The following PLCG2 variants were observed in gnomAD, a reference collection of about 807,000 sequenced individuals.
PLCG2 encodes the protein 1-phosphatidylinositol 4,5-bisphosphate phosphodiesterase gamma-2.
Under a neutral mutation model 175.6 loss-of-function variants are expected in PLCG2, and 69 were observed. The ratio of observed to expected loss-of-function variants is 0.39; its 90% CI spans 0.32 to 0.48. The LOEUF is 0.48. Among genes scored for constraint, PLCG2 ranks in the 20% least tolerant of loss-of-function variants. The pLI, the probability that PLCG2 is intolerant of heterozygous loss-of-function variation, is 0.91. For missense variants in PLCG2, 1,798 were observed against 1,650.9 expected, an observed-to-expected ratio of 1.09 and a Z score of -1.54; for synonymous variants, 827 against 624.0, an observed-to-expected ratio of 1.33 and a Z score of -4.85.
intron 2 of PLCG2, among the ~76,000 whole-genome samples, chr16:81,812,276 C>G (rs536896616): frequency 2.0e-5 from 3 of 151,976 alleles, no homozygotes; most frequent in African/African-American, 7.3e-5. Flanking sequence ...GTCTTGATCT[C>G]CTGACCTCGT....
Position 81,961,452 on chromosome 16 carries a change from C to T in PLCG2, c.*3454C>T, listed in dbSNP as rs1469816826. 2 of 225,394 alleles carry T rather than the reference C, an allele frequency of 8.9e-6. No individual in the cohort carries two copies. Among genetic ancestry groups the T allele is most frequent in the Non-Finnish European group, 8.8e-6 (1 of 113,388 alleles). The allele number at this position is 225,394 out of a possible 1,614,324, so 14.0% of individuals were successfully genotyped here. On this transcript the variant is annotated 3_prime_UTR_variant, in exon 33 of 33. Transcript: ENST00000564138. ...TATGTGTTTATTGATTCAGCTCAATCCAGAGGAAAATTTTAAAGGCTTACA... is the reference window on the plus strand; with the variant it reads ...TATGTGTTTATTGATTCAGCTCAATTCAGAGGAAAATTTTAAAGGCTTACA...
At chr16:81,937,722 G>C (rs775496720) in intron 27 of PLCG2, 36 bp from the exon 28 acceptor site, 6 of 1,604,642 alleles carry the variant, frequency 3.7e-6, no homozygotes, top group Non-Finnish European at 5.1e-6. Context: ...GCGTGCTCAT[G>C]CCTGACTTAC....
At chr16:81,822,473 G>A (rs562892829) in intron 2 of PLCG2, among the ~76,000 whole-genome samples, 2 of 152,130 alleles carry the variant, frequency 1.3e-5, no homozygotes, top group Non-Finnish European at 2.9e-5. Context: ...AGAAAAAGGC[G>A]GGGCTGGGGG....
intron 2 of PLCG2, among the ~76,000 whole-genome samples, chr16:81,769,661 C>A (rs1177373622): frequency 3.3e-5 from 5 of 149,934 alleles, no homozygotes; most frequent in Middle Eastern, 3.5e-3. Context: ...ACTAAAAATA[C>A]AAAAAAAAAT....
At chr16:81,753,550 C>G (rs1909858040) in intron 1 of PLCG2, among the ~76,000 whole-genome samples, 1 of 151,900 alleles carries the variant, frequency 6.6e-6, no homozygotes, top group Non-Finnish European at 1.5e-5. Context: ...TCATTAGTAG[C>G]TGGGATTATA....
intron 12 of PLCG2, among the ~76,000 whole-genome samples, chr16:81,894,998 T>C (rs1567520751): frequency 6.6e-6 from 1 of 152,234 alleles, no homozygotes; most frequent in African/African-American, 2.4e-5. Context: ...CTATAGACTT[T>C]CTTCCCGTTT....
intron 23 of PLCG2, among the ~76,000 whole-genome samples, chr16:81,927,936 T>C (rs1910343398): frequency 6.6e-6 from 1 of 152,168 alleles, no homozygotes; most frequent in Non-Finnish European, 1.5e-5. Flanking sequence ...TCCTCTGTAC[T>C]GAGTTGCCCT....
chr16:81,900,157 A>G (rs11863080), intron 13 of PLCG2, among the ~76,000 whole-genome samples: 1,916 of 152,322 alleles, frequency 0.013, 35 homozygotes, highest in African/African-American at 0.044. Context: ...ATATAAAACC[A>G]ATATACTTTA....
rs140532919 is a variant in PLCG2, at chr16:81,839,890, A to C, written c.194-14554A>C. Among the ~76,000 whole-genome samples, 787 of 152,286 alleles carry C rather than the reference A, an allele frequency of 5.2e-3. 22 individuals carry two copies. The highest frequency in any genetic ancestry group is 0.037 in the East Asian group (190 of 5,176). ...ACATAGTGAGACCTTGTCTCTACTA[A>C]AAAGAGAAAACTTAGGTAGGTGTGA... On this transcript the variant is annotated intron_variant, in intron 2 of 32. Coordinates refer to ENST00000564138, the MANE Select transcript of PLCG2 (RefSeq NM_002661.5).
chr16:81,931,408 A>G (rs1910496998), intron 24 of PLCG2, 89 bp from the exon 25 acceptor site: 5 of 1,326,456 alleles, frequency 3.8e-6, no homozygotes, highest in Non-Finnish European at 5.3e-6. Flanking sequence ...TGGTTGGTCC[A>G]TGAGAGAAAC....
intron 2 of PLCG2, among the ~76,000 whole-genome samples, chr16:81,816,417 C>G (rs1383903460): frequency 2.0e-5 from 3 of 151,928 alleles, no homozygotes; most frequent in African/African-American, 7.3e-5. Context: ...TCTGGCATAT[C>G]CTATTTTGGG....
At chr16:81,890,424 A>T (rs1158334467) in intron 10 of PLCG2, among the ~76,000 whole-genome samples, 4 of 152,262 alleles carry the variant, frequency 2.6e-5, no homozygotes, top group Non-Finnish European at 5.9e-5. Context: ...TGGTTAGATC[A>T]GATCTGTTTC....
intron 2 of PLCG2, among the ~76,000 whole-genome samples, chr16:81,787,221 A>T (rs188588682): frequency 7.9e-5 from 12 of 151,610 alleles, no homozygotes; most frequent in Middle Eastern, 3.4e-3. Flanking sequence ...TTTTTTTTTA[A>T]AACAAAATTA....
chr16:81,755,581 G>T (rs1190360136), intron 1 of PLCG2, among the ~76,000 whole-genome samples: 2 of 151,662 alleles, frequency 1.3e-5, no homozygotes, highest in Non-Finnish European at 2.9e-5. Flanking sequence ...GCTGGAGTGG[G>T]GTGGTGTGAT....
rs185238046 is a variant in PLCG2 at position 81,859,041 on chromosome 16, G to A, written c.432-75G>A. On this transcript the variant is annotated intron_variant, in intron 4 of 32. Coordinates refer to ENST00000564138, the MANE Select transcript of PLCG2 (RefSeq NM_002661.5). ...TTCCAGTTCCTTTTGTGCACATTCC[G>A]TAGGACTCACTTAGACTTGTGCTAT... is the stretch of plus-strand genomic sequence containing the variant. 2,365 of 890,708 alleles carry A rather than the reference G, an allele frequency of 2.7e-3. 6 individuals are homozygous for A. Among genetic ancestry groups the A allele is most frequent in the Non-Finnish European group, 3.9e-3 (2,072 of 533,532 alleles). The allele number at this position is 890,708 out of a possible 1,614,324, so 55.2% of individuals were successfully genotyped here. A position where few individuals can be genotyped will look rare whatever the true frequency, so the allele number is the denominator to read the frequency against.
In PLCG2 at chr16:81,936,277, G is replaced by A; in HGVS notation, c.2951G>A (p.Arg984His). ...AAGTACAATCAAAAGGGCCTGACCCGCGTCTACCCAAAGGGACAAAGAGTT... is the reference window on the plus strand; with the variant it reads ...AAGTACAATCAAAAGGGCCTGACCCACGTCTACCCAAAGGGACAAAGAGTT... ...LLKYNQKGLTRVYPKGQRVDS... is the reference protein window; with the variant it reads ...LLKYNQKGLTHVYPKGQRVDS... Residue 984 changes from arginine to histidine, a missense_variant, in exon 27 of 33, where the codon CGC (arginine) becomes CAC (histidine). Transcript: ENST00000564138. The A allele has an allele frequency of 1.2e-6, 2 of 1,614,170 alleles. No homozygotes were observed. The highest frequency in any genetic ancestry group is 1.1e-5 in the South Asian group (1 of 91,086).
rs180785035 is a variant in PLCG2 at position 81,954,126 on chromosome 16, G to C, written c.3571-2569G>C. On this transcript the variant is annotated intron_variant, in intron 31 of 32. Coordinates refer to ENST00000564138, the MANE Select transcript of PLCG2 (RefSeq NM_002661.5). ...CAGCCTTAACCTCCTGGGCTCATGTGATCTTACCCTCTCAGCCTCCTGAAT... is the reference window on the plus strand; with the variant it reads ...CAGCCTTAACCTCCTGGGCTCATGTCATCTTACCCTCTCAGCCTCCTGAAT... 3.0e-4 allele frequency among the ~76,000 whole-genome samples: 46 copies of C among 152,186 alleles called. No homozygotes were observed. In the East Asian group the frequency reaches 8.5e-3, roughly 28 times the overall value.
chr16:81,822,780 A>AAAAAAT (rs1258934947), intron 2 of PLCG2, among the ~76,000 whole-genome samples: 4 of 150,802 alleles, frequency 2.7e-5, no homozygotes, highest in African/African-American at 9.8e-5. Context: ...AAAAAAAAAA[A>AAAAAAT]AGAAAAAGGC....
intron 10 of PLCG2, among the ~76,000 whole-genome samples, chr16:81,891,157 A>T (rs4889427): frequency 0.3 from 45,677 of 152,042 alleles, 7,691 homozygotes; most frequent in African/African-American, 0.45. Flanking sequence ...AGCATGACTC[A>T]GTGTGAAAAA....
Sources: allele counts gnomAD v4.1 joint callset (sites outside exome capture counted in the v4.1 genomes callset), GRCh38; gene constraint gnomAD v4.1.1; transcripts MANE v1.5; gene names NCBI Gene and HGNC (gene_info 2026-07-23, HGNC 2026-07-21).